Variants in SEMA3G observed in about 807,000 individuals in gnomAD.
SEMA3G encodes the protein semaphorin 3G.
A neutral mutation model predicts 86.2 loss-of-function variants in SEMA3G; 70 were observed. The observed-to-expected ratio is 0.81, with a 90% CI of 0.67 to 0.99. SEMA3G has a LOEUF of 0.99. Ranked by LOEUF, SEMA3G falls within the 50% of genes least tolerant of loss-of-function variation. SEMA3G has a pLI of 0.00. For synonymous variants in SEMA3G, 416 were observed against 441.4 expected (o/e 0.94, Z 0.72); for missense variants, 1,002 against 1,072.4 (o/e 0.93, Z 0.92).
In SEMA3G at chr3:52,435,805, A is replaced by G; in HGVS notation, c.2147T>C (p.Phe716Ser). Reference sequence around the variant, plus strand: ...CTCATCCACCCGGGGCAGGTTGGCGAAGCCAATGAGCTGCAGGATGTCCTT... The same window carrying G: ...CTCATCCACCCGGGGCAGGTTGGCGGAGCCAATGAGCTGCAGGATGTCCTT... ...WYKDILQLIG[F>S]ANLPRVDEYC... Residue 716 changes from phenylalanine (F) to serine (S), a missense_variant, in exon 16 of 16, where the codon TTC (phenylalanine) becomes TCC (serine). Coordinates refer to ENST00000231721, the MANE Select transcript of SEMA3G (RefSeq NM_020163.3). 6.2e-7 allele frequency: 1 copy of G among 1,614,032 alleles called. No homozygotes were observed. The highest frequency in any genetic ancestry group is 8.5e-7 in the Non-Finnish European group (1 of 1,179,996).
chr3:52,443,051 G>C, intron 1 of SEMA3G, 144 bp from the exon 2 acceptor site: 1 of 1,535,912 alleles, frequency 6.5e-7, no homozygotes, highest in East Asian at 2.4e-5. Context: ...GGTGCTGGAA[G>C]GCTTTCGGAC....
In SEMA3G at chr3:52,439,925, G is replaced by A. The variant is rs149338010; in HGVS notation, c.1317C>T (p.Ile439=). Residue 439 remains isoleucine, a synonymous_variant, in exon 11 of 16, where the codon ATC becomes ATT. Transcript: ENST00000231721. ...KTHLAQQLHQ[I]VVDRVEAEDG... is the part of the protein sequence containing the mutation. ...CCTCTGCCTCCACGCGGTCCACCAC[G>A]ATCTGGTGTAGCTGCTGGGCCAGGT... is the stretch of plus-strand genomic sequence containing the variant. 3.5e-5 allele frequency: 57 copies of A among 1,613,736 alleles called. No homozygotes were observed. Among genetic ancestry groups the A allele is most frequent in the Non-Finnish European group, 4.3e-5 (51 of 1,180,012 alleles).
In SEMA3G at chr3:52,435,240, C is replaced by G. The variant is rs1164397577; in HGVS notation, c.*363G>C. ...CCACACACCCACTCTGAGGGTCACTCAGAATGGCCATTGTTCTGTAGGCTG... is the reference window on the plus strand; with the variant it reads ...CCACACACCCACTCTGAGGGTCACTGAGAATGGCCATTGTTCTGTAGGCTG... On this transcript the variant is annotated 3_prime_UTR_variant, in exon 16 of 16. Transcript: ENST00000231721. 3.6e-6 allele frequency: 1 copy of G among 281,400 alleles called. No individual in the cohort carries two copies. Among genetic ancestry groups the G allele is most frequent in the Non-Finnish European group, 6.8e-6 (1 of 146,972 alleles). 17.4% of individuals were successfully genotyped at this position (281,400 alleles called of 1,614,324 possible).
At position 52,440,456 on chromosome 3, in the gene SEMA3G, C is replaced by T. The variant is rs1706130279; in HGVS notation, c.1064G>A (p.Gly355Glu). The T allele has an allele frequency of 4.0e-5, 64 of 1,610,920 alleles. No individual in the cohort carries two copies. Among genetic ancestry groups the T allele is most frequent in the Non-Finnish European group, 5.4e-5 (64 of 1,179,264 alleles). Residue 355 changes from glycine to glutamate, a missense_variant, in exon 10 of 16, where the codon GGG becomes GAG. Physicochemically the swap from Gly to Glu is moderately conservative, Grantham distance 98. Transcript: ENST00000231721. The stretch of plus-strand genomic sequence containing the variant: ...AGGCCCATCTCGGTGGGCAAAGGGC[C>T]CGTTGAAAACCTCCCAGATGTCTGC... ...HMADIWEVFNGPFAHRDGPQH... is the reference protein window; with the variant it reads ...HMADIWEVFNEPFAHRDGPQH...
In SEMA3G at chr3:52,440,534, A is replaced by AT; in HGVS notation, c.999-14dup. 6.2e-7 allele frequency: 1 copy of AT among 1,604,916 alleles called. No homozygotes were observed. Among genetic ancestry groups the AT allele is most frequent in the Non-Finnish European group, 8.5e-7 (1 of 1,176,032 alleles). ...CTGGAACACGGCACTGCCGGGGCACATGGGACAGTCAGGCCAGAGTGGCCA... is the reference window on the plus strand; with the variant it reads ...CTGGAACACGGCACTGCCGGGGCACATTGGGACAGTCAGGCCAGAGTGGCCA... On this transcript the variant is annotated splice_polypyrimidine_tract_variant and intron_variant, in intron 9 of 15. Coordinates refer to ENST00000231721, the MANE Select transcript of SEMA3G (RefSeq NM_020163.3).
Position 52,442,762 on chromosome 3 carries a change from C to T in SEMA3G, c.261G>A (p.Trp87Ter). 1 of 1,613,960 alleles carries T rather than the reference C, an allele frequency of 6.2e-7. No individual in the cohort carries two copies. The highest frequency in any genetic ancestry group is 1.1e-5 in the South Asian group (1 of 91,062). ...TCCAGCTCACCTCCCGGGGATCTGG[C>T]CATGCCTGGTCCAGCCGCAGAGAGT... ...ALYSLRLDQA[W>*]PDPREVLWPP... The change falls in exon 2 of 16, where the codon TGG becomes TGA. Residue 87 changes from tryptophan (W) to a stop codon, truncating the protein, a stop_gained. Transcript: ENST00000231721. LOFTEE classifies it high-confidence loss of function. The surrounding 1 kb of genome is among the most constrained non-coding windows in gnomAD (Gnocchi z 6.1).
Position 52,442,251 on chromosome 3 carries a change from C to G in SEMA3G, c.393G>C (p.Leu131=). 3.1e-6 allele frequency: 5 copies of G among 1,613,960 alleles called. No individual in the cohort carries two copies. The highest frequency in any genetic ancestry group is 4.2e-6 in the Non-Finnish European group (5 of 1,179,950). ...RVLQPHNRTH[L]LACGTGAFQP... Reference sequence around the variant, plus strand: ...GGAAGGCCCCAGTGCCACAGGCTAGCAGGTGGGTCCGGTTGTGAGGCTGTA... The same window carrying G: ...GGAAGGCCCCAGTGCCACAGGCTAGGAGGTGGGTCCGGTTGTGAGGCTGTA... Residue 131 remains leucine, a synonymous_variant, in exon 4 of 16, where the codon CTG becomes CTC. Transcript: ENST00000231721. The surrounding 1 kb of genome is among the most constrained non-coding windows in gnomAD (Gnocchi z 6.1).
chr3:52,442,950 C>A lies in SEMA3G; in HGVS notation c.116-43G>T, dbSNP rs1706188286. 3 of 1,557,748 alleles carry A rather than the reference C, an allele frequency of 1.9e-6. No individual in the cohort carries two copies. In the East Asian group the frequency reaches 7.3e-5, roughly 38 times the overall value. The stretch of plus-strand genomic sequence containing the variant: ...GAGGCAGATCAGGGCCACAGCTCAG[C>A]CTAGTTCCCCAGCCAAGGAGTGGAG... On this transcript the variant is annotated intron_variant, in intron 1 of 15. Coordinates refer to ENST00000231721, the MANE Select transcript of SEMA3G (RefSeq NM_020163.3). This position sits in a 1 kb window ranked among gnomAD's most constrained non-coding sequence, Gnocchi z 6.1.
chr3:52,435,850 G>T lies in SEMA3G; in HGVS notation c.2102C>A (p.Thr701Asn), dbSNP rs1321727741. The part of the protein sequence containing the change: ...EPPARGGLAS[T>N]PPKAWYKDIL... ...GTCCTTGTACCAGGCCTTGGGTGGG[G>T]TGGAAGCCAGGCCTCCCCGGGCTGG... The change falls in exon 16 of 16, where the codon ACC (threonine) becomes AAC (asparagine). Residue 701 changes from threonine (T) to asparagine (N), a missense_variant. Transcript: ENST00000231721. 4 of 1,613,952 alleles carry T rather than the reference G, an allele frequency of 2.5e-6. No homozygotes were observed. The Admixed American group carries it at 6.7e-5, about 27-fold the overall frequency.
At position 52,441,248 on chromosome 3, in the gene SEMA3G, C is replaced by A; in HGVS notation, c.813+16G>T. 6.2e-7 allele frequency: 1 copy of A among 1,610,608 alleles called. No individual in the cohort carries two copies. Among genetic ancestry groups the A allele is most frequent in the Non-Finnish European group, 8.5e-7 (1 of 1,178,482 alleles). On this transcript the variant is annotated intron_variant, in intron 7 of 15. Coordinates refer to ENST00000231721, the MANE Select transcript of SEMA3G (RefSeq NM_020163.3). ...TAGCAGGGACTTGAACCTCACCACCCCTTCCCAGCTCTTACCACGCAGACG... is the reference window on the plus strand; with the variant it reads ...TAGCAGGGACTTGAACCTCACCACCACTTCCCAGCTCTTACCACGCAGACG...
rs760394610 is a variant in SEMA3G at position 52,442,516 on chromosome 3, C to T, written c.339+43G>A. ...TCACGGATTGTCCTGGGGGTCAGGG[C>T]AGGGTGTCAGGTCGGGGGACCATCC... On this transcript the variant is annotated intron_variant, in intron 3 of 15. Coordinates refer to ENST00000231721, the MANE Select transcript of SEMA3G (RefSeq NM_020163.3). This position sits in a 1 kb window ranked among gnomAD's most constrained non-coding sequence, Gnocchi z 6.1. The T allele has an allele frequency of 3.1e-6, 5 of 1,606,244 alleles. No homozygotes were observed. In the African/African-American group the frequency reaches 6.7e-5, roughly 21 times the overall value.
intron 8 of SEMA3G, 38 bp downstream of exon 8, chr3:52,440,896 C>A (rs774390904): frequency 6.3e-7 from 1 of 1,599,578 alleles, no homozygotes; most frequent in East Asian, 2.2e-5. Context: ...CAGCCCTCCC[C>A]ACTCCCGAGC....
At position 52,435,372 on chromosome 3, in the gene SEMA3G, C is replaced by T. The variant is rs904694664; in HGVS notation, c.*231G>A. On this transcript the variant is annotated 3_prime_UTR_variant, in exon 16 of 16. Coordinates refer to ENST00000231721, the MANE Select transcript of SEMA3G (RefSeq NM_020163.3). ...GCAGATCCCTTGGGGCTGCCAGCAG[C>T]CAGAGGGTGCTGGCTCCAGCTGGGT... 5.4e-6 allele frequency: 3 copies of T among 559,542 alleles called. No individual in the cohort carries two copies. The African/African-American group carries it at 5.7e-5, about 11-fold the overall frequency. 34.7% of individuals were successfully genotyped at this position (559,542 alleles called of 1,614,324 possible). A position where few individuals can be genotyped will look rare whatever the true frequency, so the allele number is the denominator to read the frequency against.
chr3:52,444,980 C>G lies in SEMA3G; in HGVS notation c.48G>C (p.Leu16=). ...TGGGGCCAGAGCTACCCCCATGGAG[C>G]AGGAGGCCCCCTAGCAGCCAGCAAA... ...WAICWLLGGL[L]LHGGSSGPSP... is the part of the protein sequence containing the mutation. Residue 16 remains leucine (L), a synonymous_variant, in exon 1 of 16, where the codon CTG becomes CTC. Coordinates refer to ENST00000231721, the MANE Select transcript of SEMA3G (RefSeq NM_020163.3). 7.7e-7 allele frequency: 1 copy of G among 1,293,202 alleles called. No homozygotes were observed. Among genetic ancestry groups the G allele is most frequent in the Non-Finnish European group, 9.9e-7 (1 of 1,014,844 alleles). 80.1% of individuals were successfully genotyped at this position (1,293,202 alleles called of 1,614,324 possible).
intron 1 of SEMA3G, among the ~76,000 whole-genome samples, chr3:52,444,189 A>G (rs1706214116): frequency 6.6e-6 from 1 of 152,108 alleles, no homozygotes; most frequent in African/African-American, 2.4e-5. Context: ...AGTTGAGCCC[A>G]GACAGACCCT....
chr3:52,441,998 C>T, intron 4 of SEMA3G, 89 bp from the exon 5 acceptor site: 2 of 1,341,524 alleles, frequency 1.5e-6, no homozygotes, highest in South Asian at 2.6e-5. Flanking sequence ...CGCGTGCGGC[C>T]AGAGAGCGGG....
intron 1 of SEMA3G, among the ~76,000 whole-genome samples, chr3:52,443,853 G>A (rs1426151134): frequency 6.6e-6 from 1 of 152,186 alleles, no homozygotes. Context: ...AGCAGACTGG[G>A]CTTCCCAGGG....
At chr3:52,441,761 A>G in intron 5 of SEMA3G, 58 bp downstream of exon 5, 2 of 1,589,866 alleles carry the variant, frequency 1.3e-6, no homozygotes, top group Non-Finnish European at 1.7e-6. Flanking sequence ...CTCCCTTCCC[A>G]GTGACATAGG....
chr3:52,441,142 C>A, intron 7 of SEMA3G, 94 bp from the exon 8 acceptor site: 1 of 1,475,582 alleles, frequency 6.8e-7, no homozygotes, highest in South Asian at 1.3e-5. Context: ...GAGAGGTATG[C>A]ATGTCAGCTT....
Sources: allele counts gnomAD v4.1 joint callset (sites outside exome capture counted in the v4.1 genomes callset), GRCh38; gene constraint gnomAD v4.1.1; non-coding constraint Gnocchi (gnomAD v3.1); transcripts MANE v1.5; gene names NCBI Gene and HGNC (gene_info 2026-07-23, HGNC 2026-07-21).